FANCD2: variants seen among roughly 807,000 people sequenced by gnomAD.
FANCD2 encodes the protein Fanconi anemia group D2 protein.
Under a neutral mutation model 192.3 loss-of-function variants are expected in FANCD2, and 131 were observed. The observed-to-expected ratio is 0.68, with a 90% CI of 0.59 to 0.79. The LOEUF (loss-of-function observed/expected upper bound fraction) is 0.79, where lower values mean the gene tolerates loss of function less well. FANCD2 is among the 30% of genes least tolerant of loss of function. FANCD2 has a pLI of 0.00. For synonymous variants in FANCD2, 524 were observed against 612.5 expected, an observed-to-expected ratio of 0.86 and a Z score of 2.13; for missense variants, 1,508 against 1,701.6, an observed-to-expected ratio of 0.89 and a Z score of 2.00.
Position 10,034,534 on chromosome 3 carries a change from A to G in FANCD2, c.271A>G (p.Lys91Glu). ...CCTGAGGAGACACCCTTCCTATCCC[A>G]AAGTATGTATTTTTCCCCTGGTATT... is the stretch of plus-strand genomic sequence containing the variant. ...QTLRRHPSYP[K>E]IIEEFVSGLE... The change falls in exon 4 of 44, where the codon AAA (lysine) becomes GAA (glutamate). Residue 91 changes from lysine (K) to glutamate (E), a missense_variant and splice_region_variant. Physicochemically the swap from Lys to Glu is moderately conservative, Grantham distance 56. This residue lies in a region of FANCD2 where 435 missense variants were observed against 421.9 expected (regional missense o/e 1.03). Coordinates refer to ENST00000675286, the MANE Select transcript of FANCD2 (RefSeq NM_001018115.3). 6.2e-7 allele frequency: 1 copy of G among 1,609,802 alleles called. No homozygotes were observed. The highest frequency in any genetic ancestry group is 8.5e-7 in the Non-Finnish European group (1 of 1,176,132).
intron 29 of FANCD2, among the ~76,000 whole-genome samples, chr3:10,077,023 G>A (rs112418189): frequency 0.03 from 4,581 of 152,072 alleles, 236 homozygotes; most frequent in African/African-American, 0.1. Context: ...AGTACTGGGA[G>A]TTTGAGACCA....
chr3:10,035,482 C>T (rs35268843), intron 6 of FANCD2, among the ~76,000 whole-genome samples: 285 of 152,318 alleles, frequency 1.9e-3, no homozygotes, highest in African/African-American at 6.6e-3. Flanking sequence ...GTTCTTAAAG[C>T]TGCATCCTGT....
In FANCD2 at chr3:10,037,888, A is replaced by G. The variant is rs761797072; in HGVS notation, c.492-1391A>G. 3.9e-5 allele frequency among the ~76,000 whole-genome samples: 6 copies of G among 152,216 alleles called. No individual in the cohort carries two copies. The East Asian group carries it at 7.7e-4, about 20-fold the overall frequency. On this transcript the variant is annotated intron_variant, in intron 7 of 43. Coordinates refer to ENST00000675286, the MANE Select transcript of FANCD2 (RefSeq NM_001018115.3). ...TAAAAAAGAAGATACACACATACACATATGTATATTAATAGTGTACCTTTC... is the reference window on the plus strand; with the variant it reads ...TAAAAAAGAAGATACACACATACACGTATGTATATTAATAGTGTACCTTTC...
chr3:10,039,236 C>T, intron 7 of FANCD2, 43 bp from the exon 8 acceptor site: 1 of 1,433,814 alleles, frequency 7.0e-7, no homozygotes, highest in Non-Finnish European at 9.8e-7. Flanking sequence ...GTTATTTTGA[C>T]CAGAAAGGCT....
chr3:10,035,069 C>G (rs1328606003), intron 5 of FANCD2, 104 bp from the exon 6 acceptor site: 12 of 932,046 alleles, frequency 1.3e-5, no homozygotes, highest in Non-Finnish European at 1.7e-5. Flanking sequence ...CAGGGTAGTT[C>G]CTCTTTAAAT....
At chr3:10,055,638 C>T (rs1052618741) in intron 18 of FANCD2, among the ~76,000 whole-genome samples, 10 of 151,986 alleles carry the variant, frequency 6.6e-5, no homozygotes, top group African/African-American at 2.4e-4. Flanking sequence ...CGGTGAAACC[C>T]CGTCTTTACT....
chr3:10,099,381 T>G lies in FANCD2; in HGVS notation c.4281+566T>G, dbSNP rs3826. On this transcript the variant is annotated intron_variant, in intron 43 of 43. Coordinates refer to ENST00000675286, the MANE Select transcript of FANCD2 (RefSeq NM_001018115.3). ...CTCATGCTTGTAATCCTAGCACTTT[T>G]TGAGGCCAAGGTAGGAGGATTGCTT... 0.18 allele frequency: 203,868 copies of G among 1,116,334 alleles called. 21,574 individuals carry two copies. Among genetic ancestry groups the G allele is most frequent in the African/African-American group, 0.47 (28,278 of 60,304 alleles). 69.2% of individuals were successfully genotyped at this position (1,116,334 alleles called of 1,614,324 possible).
intron 29 of FANCD2, among the ~76,000 whole-genome samples, chr3:10,076,002 A>G (rs1575814545): frequency 6.7e-6 from 1 of 149,444 alleles, no homozygotes; most frequent in African/African-American, 2.5e-5. Context: ...AAGTGTTGGG[A>G]TTACAGGTGT....
At chr3:10,037,041 C>T (rs1215085183) in intron 7 of FANCD2, among the ~76,000 whole-genome samples, 3 of 148,710 alleles carry the variant, frequency 2.0e-5, no homozygotes, top group East Asian at 1.9e-4. Context: ...GGTGGGGTTT[C>T]GCCATGTTGC....
At chr3:10,049,267 T>C in intron 16 of FANCD2, 107 bp from the exon 17 acceptor site, 1 of 1,181,202 alleles carries the variant, frequency 8.5e-7, no homozygotes, top group Non-Finnish European at 1.2e-6. Flanking sequence ...TTTGGGTTGA[T>C]TGTGATTTTA....
rs1326429665 is a variant in FANCD2, at chr3:10,028,517, A to G, written c.-33-108A>G. The G allele has an allele frequency of 6.8e-6, 5 of 733,974 alleles. No individual in the cohort carries two copies. In the East Asian group the frequency reaches 8.1e-5, roughly 12 times the overall value. 45.5% of individuals were successfully genotyped at this position (733,974 alleles called of 1,614,324 possible). On this transcript the variant is annotated intron_variant, in intron 1 of 43. Transcript: ENST00000675286. ...AGGTTTAGGTAGCATTAATATGGAG[A>G]TGTGAGCCCCTCTGATTTTGGATAG...
chr3:10,080,972 G>C, intron 30 of FANCD2, 128 bp from the exon 31 acceptor site: 1 of 997,266 alleles, frequency 1.0e-6, no homozygotes, highest in South Asian at 1.3e-5. Context: ...ACAGTCTTAG[G>C]TTAACAACTC....
intron 42 of FANCD2, 127 bp downstream of exon 42, chr3:10,096,599 A>T: frequency 1.2e-6 from 1 of 856,584 alleles, no homozygotes; most frequent in South Asian, 1.4e-5. Flanking sequence ...TAAGTCTGTG[A>T]CTGTTTAACT....
At chr3:10,078,287 A>G in intron 30 of FANCD2, 90 bp downstream of exon 30, 1 of 865,862 alleles carries the variant, frequency 1.2e-6, no homozygotes, top group Non-Finnish European at 2.0e-6. Flanking sequence ...TTTCTTTGGC[A>G]TTGTGTTTGG....
intron 19 of FANCD2, among the ~76,000 whole-genome samples, chr3:10,061,628 A>G (rs1222770834): frequency 1.2e-4 from 19 of 152,238 alleles, no homozygotes; most frequent in Admixed American, 1.0e-3. Flanking sequence ...CATAATATGC[A>G]CTAATTAAGT....
intron 15 of FANCD2, among the ~76,000 whole-genome samples, chr3:10,047,291 T>TGG (rs943856275): frequency 2.6e-5 from 4 of 152,294 alleles, no homozygotes; most frequent in African/African-American, 9.6e-5. Flanking sequence ...ATACATGTTT[T>TGG]GGGCTGTAAT....
intron 18 of FANCD2, among the ~76,000 whole-genome samples, chr3:10,054,458 TATATATATATATA>T (rs2087336237): frequency 3.7e-5 from 1 of 27,112 alleles, no homozygotes; most frequent in Non-Finnish European, 8.2e-5. Flanking sequence ...TATATATATA[TATATATATATATA>T]TATTTTTTTT....
intron 18 of FANCD2, among the ~76,000 whole-genome samples, chr3:10,055,541 G>A (rs2087382737): frequency 6.6e-6 from 1 of 152,116 alleles, no homozygotes; most frequent in South Asian, 2.1e-4. Context: ...GGCCGGGCAC[G>A]GTGACTCACG....
At position 10,041,637 on chromosome 3, in the gene FANCD2, A is replaced by G. The variant is rs371284570; in HGVS notation, c.710A>G (p.Glu237Gly). The G allele has an allele frequency of 5.6e-6, 9 of 1,613,106 alleles. No homozygotes were observed. The highest frequency in any genetic ancestry group is 1.3e-5 in the African/African-American group (1 of 74,880). The change falls in exon 10 of 44, where the codon GAG (glutamate) becomes GGG (glycine). Residue 237 changes from glutamate (E) to glycine (G), a missense_variant. This residue lies in a region of FANCD2 where 435 missense variants were observed against 421.9 expected (regional missense o/e 1.03). Coordinates refer to ENST00000675286, the MANE Select transcript of FANCD2 (RefSeq NM_001018115.3). ...VGKELSDLLI[E>G]NTSLTVPILD... ...ACCATTCACAGTGACCTACTGATAG[A>G]GAATACTTCACTCACTGTCCCAATC...
Sources: allele counts gnomAD v4.1 joint callset (sites outside exome capture counted in the v4.1 genomes callset), GRCh38; gene constraint gnomAD v4.1.1; regional missense constraint gnomAD v4.1.1; transcripts MANE v1.5; gene names NCBI Gene and HGNC (gene_info 2026-07-23, HGNC 2026-07-21).